Variants in GSG1L observed in about 807,000 individuals in gnomAD.
GSG1L encodes GSG1 like.
In GSG1L, 24 loss-of-function variants were observed where a neutral mutation model predicts 42.1. That is an observed-to-expected ratio of 0.57 (90% CI 0.41 to 0.80). The LOEUF (loss-of-function observed/expected upper bound fraction) is 0.80, where lower values mean the gene tolerates loss of function less well. Ranked by LOEUF, GSG1L falls within the 30% of genes least tolerant of loss-of-function variation. The pLI is 0.00. For synonymous variants in GSG1L, 215 were observed against 203.5 expected, an observed-to-expected ratio of 1.06 and a Z score of -0.48; for missense variants, 445 against 472.2, an observed-to-expected ratio of 0.94 and a Z score of 0.53.
At chr16:27,973,635 G>A (rs150312303) in intron 1 of GSG1L, among the ~76,000 whole-genome samples, 7 of 152,132 alleles carry the variant, frequency 4.6e-5, no homozygotes, top group Non-Finnish European at 7.4e-5. Context: ...CTGGTTCAGT[G>A]CAGGGATTCT....
At chr16:28,011,043 A>G (rs554479522) in intron 1 of GSG1L, among the ~76,000 whole-genome samples, 2 of 152,202 alleles carry the variant, frequency 1.3e-5, no homozygotes, top group South Asian at 4.2e-4. Context: ...TGCCCCTAAG[A>G]GCTCCCAGGA....
chr16:27,914,548 A>T (rs931910609), intron 2 of GSG1L, among the ~76,000 whole-genome samples: 2 of 138,790 alleles, frequency 1.4e-5, no homozygotes, highest in African/African-American at 6.3e-5. Flanking sequence ...TTTTTTGACA[A>T]GATCTCACTC....
intron 1 of GSG1L, among the ~76,000 whole-genome samples, chr16:28,016,580 A>G (rs2085783386): frequency 6.6e-6 from 1 of 152,188 alleles, no homozygotes; most frequent in African/African-American, 2.4e-5. Context: ...ACGACTTTAC[A>G]GATCATGAGG....
In GSG1L at chr16:27,832,822, T is replaced by C. The variant is rs576136901; in HGVS notation, c.663-3866A>G. ...TTCTAATTGGATTGTTTTGTTGTTG[T>C]TTACTGTTGGGGTTTTAGAGGTCTT... On this transcript the variant is annotated intron_variant, in intron 4 of 6. Coordinates refer to ENST00000447459, the MANE Select transcript of GSG1L (RefSeq NM_001109763.2). 3.9e-5 allele frequency among the ~76,000 whole-genome samples: 6 copies of C among 152,326 alleles called. No individual in the cohort carries two copies. In the East Asian group the frequency reaches 9.6e-4, roughly 24 times the overall value.
chr16:28,054,189 G>A (rs2086253382), intron 1 of GSG1L, among the ~76,000 whole-genome samples: 1 of 152,134 alleles, frequency 6.6e-6, no homozygotes, highest in Non-Finnish European at 1.5e-5. Context: ...CACGGCCACT[G>A]TCCTCGCCAA....
chr16:28,063,009 G>C lies in GSG1L; in HGVS notation c.349+67C>G. The C allele has an allele frequency of 7.8e-7, 1 of 1,283,040 alleles. No individual in the cohort carries two copies. Among genetic ancestry groups the C allele is most frequent in the Non-Finnish European group, 9.8e-7 (1 of 1,016,078 alleles). 79.5% of individuals were successfully genotyped at this position (1,283,040 alleles called of 1,614,324 possible). Reference sequence around the variant, plus strand: ...AGGAGGGCGAACGGGTCCGGGGCTCGGGCCTCGATGGCCGCGCCGCCCCGG... The same window carrying C: ...AGGAGGGCGAACGGGTCCGGGGCTCCGGCCTCGATGGCCGCGCCGCCCCGG... On this transcript the variant is annotated intron_variant, in intron 1 of 6. Transcript: ENST00000447459. The surrounding 1 kb of genome is among the most constrained non-coding windows in gnomAD (Gnocchi z 5.8).
At chr16:27,793,152 C>T (rs2082774139) in intron 6 of GSG1L, among the ~76,000 whole-genome samples, 1 of 152,190 alleles carries the variant, frequency 6.6e-6, no homozygotes, top group Admixed American at 6.5e-5. Context: ...GGATGGAGAT[C>T]TCCTTGTTCC....
chr16:27,888,020 C>G, intron 2 of GSG1L: 1 of 837,928 alleles, frequency 1.2e-6, no homozygotes, highest in Non-Finnish European at 1.4e-6. Context: ...GGAGGGTGGC[C>G]GCCCCCAGGA....
chr16:28,049,025 C>T (rs907188304), intron 1 of GSG1L, among the ~76,000 whole-genome samples: 12 of 152,132 alleles, frequency 7.9e-5, no homozygotes, highest in Middle Eastern at 3.2e-3. Context: ...CCTGAGGATG[C>T]GCAGTCTCAG....
At chr16:27,911,292 TC>T (rs1567515680) in intron 2 of GSG1L, among the ~76,000 whole-genome samples, 76 of 146,840 alleles carry the variant, frequency 5.2e-4, no homozygotes, top group African/African-American at 2.0e-3. Context: ...TCTCTCTCTC[TC>T]TCCTCTCTCT....
intron 2 of GSG1L, among the ~76,000 whole-genome samples, chr16:27,937,296 G>T (rs1483504629): frequency 6.6e-6 from 1 of 151,908 alleles, no homozygotes; most frequent in African/African-American, 2.4e-5. Flanking sequence ...GGAGTGCAGT[G>T]GTGTGATCTC....
rs1182496322 is a variant in GSG1L at position 28,063,680 on chromosome 16, C to A, written c.-256G>T. On this transcript the variant is annotated 5_prime_UTR_variant, in exon 1 of 7. Transcript: ENST00000447459. The surrounding 1 kb of genome is among the most constrained non-coding windows in gnomAD (Gnocchi z 5.8). ...GCTACGGCGCGCCCGGAGCCCGGAG[C>A]GCGAGTGCACCTCGGCTAGGAGCCG... Among the ~76,000 whole-genome samples, 1 of 149,170 alleles carries A rather than the reference C, an allele frequency of 6.7e-6. No homozygotes were observed. The highest frequency in any genetic ancestry group is 1.5e-5 in the Non-Finnish European group (1 of 67,000).
At chr16:28,038,311 GA>G (rs2086064052) in intron 1 of GSG1L, among the ~76,000 whole-genome samples, 1 of 152,058 alleles carries the variant, frequency 6.6e-6, no homozygotes, top group Non-Finnish European at 1.5e-5. Flanking sequence ...CCCTGCTGGG[GA>G]AAAAGTATTT....
chr16:27,997,284 GCCT>G (rs1392196861), intron 1 of GSG1L, among the ~76,000 whole-genome samples: 1 of 140,960 alleles, frequency 7.1e-6, no homozygotes, highest in Non-Finnish European at 1.5e-5. Flanking sequence ...CTCTCCCTCT[GCCT>G]ACAGCTGGGA....
At chr16:27,854,563 G>A (rs2140993409) in intron 3 of GSG1L, among the ~76,000 whole-genome samples, 1 of 152,294 alleles carries the variant, frequency 6.6e-6, no homozygotes, top group Admixed American at 6.5e-5. Flanking sequence ...CACCTTGCGA[G>A]TTGGGCCGTG....
intron 4 of GSG1L, among the ~76,000 whole-genome samples, chr16:27,842,020 T>C (rs748270031): frequency 6.6e-6 from 1 of 152,162 alleles, no homozygotes; most frequent in South Asian, 2.1e-4. Flanking sequence ...AAACTTCTTA[T>C]CAGTAGCATG....
chr16:27,803,050 T>A (rs543850715), intron 6 of GSG1L, among the ~76,000 whole-genome samples: 6 of 151,954 alleles, frequency 3.9e-5, no homozygotes, highest in Admixed American at 6.5e-5. Flanking sequence ...AAAGCAACAT[T>A]GCCCTTCACA....
At chr16:27,819,635 T>C (rs540234581) in intron 5 of GSG1L, among the ~76,000 whole-genome samples, 7 of 152,062 alleles carry the variant, frequency 4.6e-5, no homozygotes, top group Non-Finnish European at 8.8e-5. Flanking sequence ...GGCCGGAACA[T>C]GGCCGGGCTG....
At chr16:27,961,005 C>T (rs2085064321) in intron 2 of GSG1L, among the ~76,000 whole-genome samples, 1 of 152,070 alleles carries the variant, frequency 6.6e-6, no homozygotes, top group African/African-American at 2.4e-5. Flanking sequence ...GGGGCACAGG[C>T]CACCCACCTG....
Sources: allele counts gnomAD v4.1 joint callset (sites outside exome capture counted in the v4.1 genomes callset), GRCh38; gene constraint gnomAD v4.1.1; non-coding constraint Gnocchi (gnomAD v3.1); transcripts MANE v1.5; gene names NCBI Gene and HGNC (gene_info 2026-07-23, HGNC 2026-07-21).